The following MRPS28 variants were observed in gnomAD, a reference collection of about 807,000 sequenced individuals.
The protein encoded by MRPS28 is mitochondrial ribosomal protein S28, also known as small ribosomal subunit protein bS1m.
Under a neutral mutation model 10.8 loss-of-function variants are expected in MRPS28, and 7 were observed. The observed-to-expected ratio is 0.65, with a 90% CI of 0.37 to 1.22. The LOEUF (loss-of-function observed/expected upper bound fraction) is 1.22. Ranked by LOEUF, MRPS28 falls within the 50% of genes most tolerant of loss-of-function variation. The pLI, the probability that MRPS28 is intolerant of heterozygous loss-of-function variation, is 0.02. For synonymous variants in MRPS28, 121 were observed against 93.3 expected (o/e 1.30, Z -1.71); for missense variants, 265 against 232.9 (o/e 1.14, Z -0.90).
chr8:79,989,929 GGA>G (rs1808309099), intron 2 of MRPS28, among the ~76,000 whole-genome samples: 1 of 152,132 alleles, frequency 6.6e-6, no homozygotes, highest in Non-Finnish European at 1.5e-5. Flanking sequence ...TGAGGTGGGT[GGA>G]TCACCTGAGC....
At chr8:79,987,543 T>C (rs1808225882) in intron 2 of MRPS28, among the ~76,000 whole-genome samples, 1 of 152,122 alleles carries the variant, frequency 6.6e-6, no homozygotes. Flanking sequence ...AAAGGGCTAA[T>C]ATCCAGAATC....
chr8:79,919,158 T>TAA lies in MRPS28; in HGVS notation c.396-12_396-11dup. ...TCCTTTCTGGTATTTCCTAAATAGT[T>TAA]AAAAAAAAAAAAATCCATTAATTCT... On this transcript the variant is annotated splice_polypyrimidine_tract_variant and intron_variant, in intron 2 of 2. Transcript: ENST00000276585. 6.6e-5 allele frequency: 82 copies of TAA among 1,236,386 alleles called. No homozygotes were observed. The highest frequency in any genetic ancestry group is 1.7e-4 in the South Asian group (11 of 65,516). 76.6% of individuals were successfully genotyped at this position (1,236,386 alleles called of 1,614,324 possible).
chr8:79,931,914 C>T (rs775501877), intron 2 of MRPS28, among the ~76,000 whole-genome samples: 2 of 152,090 alleles, frequency 1.3e-5, no homozygotes, highest in Admixed American at 6.6e-5. Context: ...CAACAGCATC[C>T]GGACTTTTGA....
chr8:80,028,234 A>G (rs10957951), intron 1 of MRPS28, among the ~76,000 whole-genome samples: 111,826 of 152,136 alleles, frequency 0.74, 41,953 homozygotes, highest in African/African-American at 0.9. Context: ...AGAATGTGGT[A>G]TGAATGGGAG....
chr8:79,925,829 A>T (rs1454141910), intron 2 of MRPS28, among the ~76,000 whole-genome samples: 21 of 152,030 alleles, frequency 1.4e-4, no homozygotes, highest in Admixed American at 1.3e-3. Context: ...TCTACAAAAA[A>T]TACAGAAATT....
At chr8:79,961,165 T>C (rs1378879499) in intron 2 of MRPS28, among the ~76,000 whole-genome samples, 1 of 152,124 alleles carries the variant, frequency 6.6e-6, no homozygotes, top group African/African-American at 2.4e-5. Context: ...AGTAACCTAA[T>C]TGAGCCCATA....
intron 2 of MRPS28, among the ~76,000 whole-genome samples, chr8:79,939,727 T>C (rs866118916): frequency 9.2e-5 from 14 of 152,038 alleles, no homozygotes; most frequent in Non-Finnish European, 2.1e-4. Context: ...TCCCAGCACT[T>C]TGGGAGGCCG....
chr8:80,004,764 G>C (rs1808777114), intron 1 of MRPS28, among the ~76,000 whole-genome samples: 1 of 152,164 alleles, frequency 6.6e-6, no homozygotes, highest in Non-Finnish European at 1.5e-5. Flanking sequence ...TGGTTAACTA[G>C]AATAACCAAT....
intron 2 of MRPS28, among the ~76,000 whole-genome samples, chr8:79,930,107 C>T (rs1806422994): frequency 1.3e-5 from 2 of 152,256 alleles, no homozygotes; most frequent in South Asian, 2.1e-4. Flanking sequence ...TAAAGATATC[C>T]ATTATGCATA....
intron 2 of MRPS28, among the ~76,000 whole-genome samples, chr8:79,992,653 A>C (rs1361097461): frequency 6.6e-6 from 1 of 152,236 alleles, no homozygotes; most frequent in Non-Finnish European, 1.5e-5. Flanking sequence ...GTACTCAATA[A>C]ATATTTGCTG....
chr8:80,015,630 G>A (rs962593711), intron 1 of MRPS28, among the ~76,000 whole-genome samples: 3 of 152,054 alleles, frequency 2.0e-5, no homozygotes, highest in African/African-American at 7.2e-5. Flanking sequence ...ATCATGCCCA[G>A]CTATCAAAAA....
At chr8:80,007,332 A>C (rs1227157167) in intron 1 of MRPS28, among the ~76,000 whole-genome samples, 4 of 152,180 alleles carry the variant, frequency 2.6e-5, no homozygotes, top group Admixed American at 1.3e-4. Flanking sequence ...ATGGGCAAAA[A>C]CTGGAAGCAT....
intron 1 of MRPS28, among the ~76,000 whole-genome samples, chr8:80,025,428 T>C (rs927135117): frequency 6.6e-6 from 1 of 152,162 alleles, no homozygotes; most frequent in Non-Finnish European, 1.5e-5. Context: ...TTACCCAACA[T>C]ATAACCTACA....
At position 79,935,465 on chromosome 8, in the gene MRPS28, A is replaced by G. The variant is rs574045956; in HGVS notation, c.396-16317T>C. The stretch of plus-strand genomic sequence containing the variant: ...TTTATTTGTTTGTTTGTTTAACACA[A>G]CAGTCAAACAACTACATCTGCCATC... On this transcript the variant is annotated intron_variant, in intron 2 of 2. Transcript: ENST00000276585. Among the ~76,000 whole-genome samples, 187 of 152,242 alleles carry G rather than the reference A, an allele frequency of 1.2e-3. 3 individuals carry two copies. The highest frequency in any genetic ancestry group is 4.2e-3 in the African/African-American group (174 of 41,542).
chr8:79,988,448 TA>T (rs1416664329), intron 2 of MRPS28, among the ~76,000 whole-genome samples: 2 of 149,948 alleles, frequency 1.3e-5, no homozygotes, highest in African/African-American at 2.4e-5. Context: ...TAAATAAAAA[TA>T]AAAAAATTAA....
At chr8:79,987,722 A>C (rs1228386505) in intron 2 of MRPS28, among the ~76,000 whole-genome samples, 1 of 152,228 alleles carries the variant, frequency 6.6e-6, no homozygotes, top group Non-Finnish European at 1.5e-5. Context: ...CAAAACCACA[A>C]TGAGATACCA....
chr8:79,957,775 T>G (rs764041561), intron 2 of MRPS28: 1 of 152,100 alleles, frequency 6.6e-6, no homozygotes, highest in Non-Finnish European at 1.5e-5. Context: ...CAGTACCCAG[T>G]ATACACTAGA....
chr8:79,949,362 C>T (rs1807017461), intron 2 of MRPS28, among the ~76,000 whole-genome samples: 1 of 149,392 alleles, frequency 6.7e-6, no homozygotes, highest in East Asian at 2.0e-4. Context: ...TGCAGTGAGC[C>T]GAGATTGCGC....
chr8:79,929,447 G>A (rs1806400084), intron 2 of MRPS28, among the ~76,000 whole-genome samples: 2 of 152,088 alleles, frequency 1.3e-5, no homozygotes, highest in South Asian at 4.1e-4. Context: ...AGAAGAGGAC[G>A]CTGAAAGAAT....
Sources: gnomAD v4.1 joint callset for allele counts (sites outside exome capture counted in the v4.1 genomes callset) on GRCh38, gnomAD v4.1.1 for gene constraint, MANE v1.5 for transcripts, NCBI Gene and HGNC (gene_info 2026-07-23, HGNC 2026-07-21) for gene names.